The following ADA2 variants were observed in gnomAD, a reference collection of about 807,000 sequenced individuals.
The protein encoded by ADA2 is adenosine deaminase 2.
In ADA2, 29 loss-of-function variants were observed where a neutral mutation model predicts 44.2. That is an observed-to-expected ratio of 0.66 (90% CI 0.49 to 0.89). The LOEUF (loss-of-function observed/expected upper bound fraction) is 0.89. Ranked by LOEUF, ADA2 falls within the 40% of genes least tolerant of loss-of-function variation. The pLI is 0.00. For missense variants in ADA2, 637 were observed against 644.8 expected, an observed-to-expected ratio of 0.99 and a Z score of 0.13; for synonymous variants, 215 against 234.9, an observed-to-expected ratio of 0.92 and a Z score of 0.77.
At chr22:17,201,967 CTTTTTTTTTTTTTTTT>C (rs71200247) in intron 4 of ADA2, among the ~76,000 whole-genome samples, 1 of 103,122 alleles carries the variant, frequency 9.7e-6, no homozygotes, top group Admixed American at 1.2e-4. Flanking sequence ...TTTCTTTTTT[CTTTTTTTTTTTTTTTT>C]TTTTTTGAGA....
At chr22:17,208,243 G>GTGAA (rs2062376429) in intron 2 of ADA2, among the ~76,000 whole-genome samples, 1 of 151,064 alleles carries the variant, frequency 6.6e-6, no homozygotes, top group Admixed American at 6.6e-5. Context: ...GACTAACATG[G>GTGAA]TGAAACCCCA....
At chr22:17,187,936 C>T (rs1395453684) in intron 7 of ADA2, among the ~76,000 whole-genome samples, 1 of 151,798 alleles carries the variant, frequency 6.6e-6, no homozygotes, top group Admixed American at 6.6e-5. Context: ...AACCCCGTCT[C>T]TACTAAAAAT....
Position 17,203,541 on chromosome 22 carries a change from CAG to C in ADA2, c.753+20_753+21del. Reference sequence around the variant, plus strand: ...GCCAGAGCAAAGGAGGTGGGAGGAACAGAGAGGAGAGCTGGGCTCACCGGCAG... The same window carrying C: ...GCCAGAGCAAAGGAGGTGGGAGGAACAGAGGAGAGCTGGGCTCACCGGCAG... On this transcript the variant is annotated intron_variant, in intron 4 of 9. Coordinates refer to ENST00000399837, the MANE Select transcript of ADA2 (RefSeq NM_001282225.2). 1.3e-6 allele frequency: 2 copies of C among 1,596,972 alleles called. No individual in the cohort carries two copies. The highest frequency in any genetic ancestry group is 1.7e-6 in the Non-Finnish European group (2 of 1,166,244).
chr22:17,216,769 A>C (rs200881937), intron 1 of ADA2, among the ~76,000 whole-genome samples: 3,867 of 120,008 alleles, frequency 0.032, 92 homozygotes, highest in Admixed American at 0.078. Context: ...AAAAAAAAAA[A>C]AAACACACAC....
At chr22:17,201,220 A>G (rs2062282919) in intron 4 of ADA2, among the ~76,000 whole-genome samples, 1 of 151,948 alleles carries the variant, frequency 6.6e-6, no homozygotes, top group African/African-American at 2.4e-5. Flanking sequence ...AAAAAGAAGA[A>G]GAAGAAAGAA....
intron 8 of ADA2, 108 bp from the exon 9 acceptor site, chr22:17,182,130 C>G: frequency 1.2e-6 from 1 of 833,968 alleles, no homozygotes; most frequent in Non-Finnish European, 1.9e-6. Flanking sequence ...CTTCCCATCA[C>G]TATCTCCCCA....
chr22:17,207,678 G>A (rs1041639710), intron 2 of ADA2, among the ~76,000 whole-genome samples: 6 of 152,114 alleles, frequency 3.9e-5, no homozygotes, highest in Admixed American at 1.3e-4. Flanking sequence ...CCAGAGAACT[G>A]AGGTTCAAGT....
intron 1 of ADA2, among the ~76,000 whole-genome samples, chr22:17,210,088 C>G (rs2062402803): frequency 6.6e-6 from 1 of 151,856 alleles, no homozygotes; most frequent in Admixed American, 6.6e-5. Flanking sequence ...GACGGGGTTT[C>G]ACTGTGTTAG....
chr22:17,189,070 A>T (rs1327588679), intron 6 of ADA2, among the ~76,000 whole-genome samples: 4 of 133,464 alleles, frequency 3.0e-5, no homozygotes, highest in African/African-American at 1.1e-4. Flanking sequence ...CCCAGGCTGG[A>T]GTGCAATGGT....
At chr22:17,214,055 A>G in intron 1 of ADA2, 1 of 487,640 alleles carries the variant, frequency 2.1e-6, no homozygotes, top group Non-Finnish European at 3.8e-6. Flanking sequence ...AAAAAAAAAA[A>G]AAAAATAGCA....
At chr22:17,212,114 T>C (rs1453173877) in intron 1 of ADA2, among the ~76,000 whole-genome samples, 4 of 151,752 alleles carry the variant, frequency 2.6e-5, no homozygotes, top group Admixed American at 2.6e-4. Context: ...AACCTCCTCC[T>C]CCCAGGTTCA....
intron 3 of ADA2, among the ~76,000 whole-genome samples, chr22:17,206,644 C>T (rs1476787450): frequency 6.6e-6 from 1 of 151,990 alleles, no homozygotes; most frequent in Non-Finnish European, 1.5e-5. Context: ...AAAAGGTGCT[C>T]ATGCTTTTTT....
chr22:17,209,926 T>G, intron 1 of ADA2: 1 of 468,118 alleles, frequency 2.1e-6, no homozygotes. Context: ...AGTCTCGCTC[T>G]GCTGCCCAGG....
chr22:17,188,868 A>AAAAAAAAAAAAAAAAAAAAAAAAAAT lies in ADA2; in HGVS notation c.973-422_973-421insATTTTTTTTTTTTTTTTTTTTTTTTT. The AAAAAAAAAAAAAAAAAAAAAAAAAAT allele has an allele frequency of 8.6e-5, 7 of 81,166 alleles. 1 individual carries two copies. The highest frequency in any genetic ancestry group is 1.4e-4 in the Non-Finnish European group (5 of 36,824). The allele number at this position is 81,166 out of a possible 1,614,324, so 5.0% of individuals were successfully genotyped here. A position where few individuals can be genotyped will look rare whatever the true frequency, so the allele number is the denominator to read the frequency against. ...CACTACAGCCTGGCCAAGAGCAAAAAATATATATATATATATATTTTGTAA... is the reference window on the plus strand; with the variant it reads ...CACTACAGCCTGGCCAAGAGCAAAAAAAAAAAAAAAAAAAAAAAAAAAAAATATATATATATATATATATTTTGTAA... On this transcript the variant is annotated intron_variant, in intron 6 of 9. Coordinates refer to ENST00000399837, the MANE Select transcript of ADA2 (RefSeq NM_001282225.2).
intron 4 of ADA2, among the ~76,000 whole-genome samples, chr22:17,195,165 C>T (rs776708969): frequency 2.0e-5 from 3 of 152,196 alleles, no homozygotes; most frequent in Admixed American, 1.3e-4. Context: ...TAAGCCCTCA[C>T]TCTAACTTCT....
At chr22:17,221,013 C>T (rs57370195), upstream of ADA2, among the ~76,000 whole-genome samples, 417 of 151,990 alleles carry the variant, frequency 2.7e-3, 2 homozygotes, top group African/African-American at 9.1e-3. Flanking sequence ...TGTGGTGGTG[C>T]GCACCTGTAA....
Position 17,184,259 on chromosome 22 carries a change from C to T in ADA2, c.1082-1498G>A, listed in dbSNP as rs1433953999. ...GATTACAGGCGTGAGCCACCACGCC[C>T]GGCCCCATCACACCTTTCTTGCAGC... On this transcript the variant is annotated intron_variant, in intron 7 of 9. Coordinates refer to ENST00000399837, the MANE Select transcript of ADA2 (RefSeq NM_001282225.2). 3.3e-5 allele frequency among the ~76,000 whole-genome samples: 5 copies of T among 152,218 alleles called. No individual in the cohort carries two copies. In the East Asian group the frequency reaches 7.7e-4, roughly 24 times the overall value.
In ADA2 at chr22:17,182,896, T is replaced by A. The variant is rs1198334232; in HGVS notation, c.1082-135A>T. On this transcript the variant is annotated intron_variant, in intron 7 of 9. Coordinates refer to ENST00000399837, the MANE Select transcript of ADA2 (RefSeq NM_001282225.2). Reference sequence around the variant, plus strand: ...CCCAAGCACAAAAATGAAGAGAAATTAACATTAACACAAATACACACACAC... The same window carrying A: ...CCCAAGCACAAAAATGAAGAGAAATAAACATTAACACAAATACACACACAC... 11 of 777,910 alleles carry A rather than the reference T, an allele frequency of 1.4e-5. No individual in the cohort carries two copies. The African/African-American group carries it at 2.0e-4, about 14-fold the overall frequency. The allele number at this position is 777,910 out of a possible 1,614,324, so 48.2% of individuals were successfully genotyped here. A position where few individuals can be genotyped will look rare whatever the true frequency, so the allele number is the denominator to read the frequency against.
chr22:17,207,792 G>A (rs527892901), intron 2 of ADA2, among the ~76,000 whole-genome samples: 188 of 152,168 alleles, frequency 1.2e-3, no homozygotes, highest in African/African-American at 4.4e-3. Flanking sequence ...CCAGGGCCAC[G>A]GTCCTTTTCA....
Sources: gnomAD v4.1 joint callset for allele counts (sites outside exome capture counted in the v4.1 genomes callset) on GRCh38, gnomAD v4.1.1 for gene constraint, MANE v1.5 for transcripts, NCBI Gene and HGNC (gene_info 2026-07-23, HGNC 2026-07-21) for gene names.